Variants in TCF7L1 observed in about 807,000 individuals in gnomAD.
TCF7L1 encodes the protein transcription factor 7 like 1.
A neutral mutation model predicts 63.7 loss-of-function variants in TCF7L1; 18 were observed. The observed-to-expected ratio is 0.28, with a 90% CI of 0.20 to 0.42. TCF7L1 has a LOEUF of 0.42. Among genes scored for constraint, TCF7L1 ranks in the 10% least tolerant of loss-of-function variants. The pLI is 1.00. For missense variants in TCF7L1, 654 were observed against 779.3 expected (o/e 0.84, Z 1.91); for synonymous variants, 355 against 340.9 (o/e 1.04, Z -0.46).
At chr2:85,287,576 G>A (rs1469226867) in intron 4 of TCF7L1, among the ~76,000 whole-genome samples, 1 of 152,142 alleles carries the variant, frequency 6.6e-6, no homozygotes, top group African/African-American at 2.4e-5. Flanking sequence ...TGCCACACAT[G>A]GCATTATAGA....
chr2:85,202,879 G>C (rs1289323893), intron 3 of TCF7L1, among the ~76,000 whole-genome samples: 1 of 152,110 alleles, frequency 6.6e-6, no homozygotes, highest in Admixed American at 6.5e-5. Flanking sequence ...TTTCGCCCAG[G>C]CTGGAGTGCA....
At chr2:85,147,501 CAGGG>C (rs1390567224) in intron 3 of TCF7L1, among the ~76,000 whole-genome samples, 1 of 152,014 alleles carries the variant, frequency 6.6e-6, no homozygotes, top group Non-Finnish European at 1.5e-5. Flanking sequence ...GGAGGAAAGA[CAGGG>C]AGGGGACTCC....
intron 3 of TCF7L1, among the ~76,000 whole-genome samples, chr2:85,177,666 C>T (rs959969671): frequency 2.6e-5 from 4 of 152,088 alleles, no homozygotes; most frequent in Non-Finnish European, 5.9e-5. Flanking sequence ...GATTGCGCCA[C>T]TGCACTCCAG....
intron 7 of TCF7L1, 70 bp downstream of exon 7, chr2:85,304,408 CT>C: frequency 6.6e-7 from 1 of 1,518,856 alleles, no homozygotes; most frequent in Non-Finnish European, 9.0e-7. Context: ...CACGAAACAG[CT>C]TTTTCTTGCC....
chr2:85,245,999 G>A (rs750253437), intron 3 of TCF7L1, among the ~76,000 whole-genome samples: 1 of 152,112 alleles, frequency 6.6e-6, no homozygotes, highest in Non-Finnish European at 1.5e-5. Flanking sequence ...CAAGTGAATG[G>A]CAGTCAGGTG....
chr2:85,163,080 G>T (rs183189117), intron 3 of TCF7L1, among the ~76,000 whole-genome samples: 1 of 152,114 alleles, frequency 6.6e-6, no homozygotes, highest in African/African-American at 2.4e-5. Context: ...AAGGTCGTAG[G>T]GTCCAGTGGC....
chr2:85,203,088 G>A (rs1032225132), intron 3 of TCF7L1, among the ~76,000 whole-genome samples: 2 of 152,140 alleles, frequency 1.3e-5, no homozygotes, highest in African/African-American at 4.8e-5. Context: ...GCCCGCCTTG[G>A]CCTCTCAAAG....
chr2:85,308,304 G>A (rs1323074347), intron 11 of TCF7L1, among the ~76,000 whole-genome samples: 1 of 133,182 alleles, frequency 7.5e-6, no homozygotes, highest in East Asian at 2.2e-4. Context: ...CAAGTGTATC[G>A]CTGCTTGCAC....
chr2:85,205,315 T>G (rs1355798215), intron 3 of TCF7L1, among the ~76,000 whole-genome samples: 2 of 152,232 alleles, frequency 1.3e-5, no homozygotes, highest in African/African-American at 4.8e-5. Flanking sequence ...CTCTCAGTGC[T>G]GAGCAGGCCT....
chr2:85,134,581 A>AACT lies in TCF7L1; in HGVS notation c.441+135_441+137dup, dbSNP rs1677545688. ...CAAGCAGAACTTGTTTGCGGAGTTG[A>AACT]ACTACTCTCTGGCGGCCGAGCGCGA... is the stretch of plus-strand genomic sequence containing the variant. On this transcript the variant is annotated intron_variant, in intron 3 of 11. Coordinates refer to ENST00000282111, the MANE Select transcript of TCF7L1 (RefSeq NM_031283.3). This position sits in a 1 kb window ranked among gnomAD's most constrained non-coding sequence, Gnocchi z 5.0. 8.2e-6 allele frequency: 11 copies of AACT among 1,335,162 alleles called. No homozygotes were observed. In the South Asian group the frequency reaches 1.7e-4, roughly 20 times the overall value. 82.7% of individuals were successfully genotyped at this position (1,335,162 alleles called of 1,614,324 possible).
At chr2:85,262,568 A>G (rs1461189807) in intron 3 of TCF7L1, among the ~76,000 whole-genome samples, 1 of 152,186 alleles carries the variant, frequency 6.6e-6, no homozygotes, top group Admixed American at 6.5e-5. Flanking sequence ...TTCATCAAGG[A>G]CTTGTTAAAG....
At chr2:85,176,500 T>C (rs1678680102) in intron 3 of TCF7L1, among the ~76,000 whole-genome samples, 1 of 152,216 alleles carries the variant, frequency 6.6e-6, no homozygotes, top group Admixed American at 6.5e-5. Context: ...GGAGTCCCCA[T>C]GGCAAGTTCG....
At chr2:85,145,703 G>A (rs1379592177) in intron 3 of TCF7L1, among the ~76,000 whole-genome samples, 1 of 152,204 alleles carries the variant, frequency 6.6e-6, no homozygotes, top group Admixed American at 6.5e-5. Flanking sequence ...TTGTTGACCT[G>A]CCCAAGGGCA....
chr2:85,253,439 C>G (rs1257832343), intron 3 of TCF7L1, among the ~76,000 whole-genome samples: 4 of 152,308 alleles, frequency 2.6e-5, no homozygotes, highest in African/African-American at 9.6e-5. Flanking sequence ...CCTGAGTAGG[C>G]TGGTTCATGC....
At chr2:85,257,146 C>T (rs1005646729) in intron 3 of TCF7L1, among the ~76,000 whole-genome samples, 4 of 151,572 alleles carry the variant, frequency 2.6e-5, no homozygotes, top group African/African-American at 9.7e-5. Context: ...CCCAGGAGTT[C>T]GAGGCTACAG....
At chr2:85,157,916 C>A (rs1359148132) in intron 3 of TCF7L1, among the ~76,000 whole-genome samples, 1 of 152,154 alleles carries the variant, frequency 6.6e-6, no homozygotes, top group African/African-American at 2.4e-5. Flanking sequence ...AGGTGAGGGG[C>A]AGTTAGTGGT....
chr2:85,301,261 G>A (rs56297212), intron 4 of TCF7L1, among the ~76,000 whole-genome samples: 10,505 of 152,232 alleles, frequency 0.069, 471 homozygotes, highest in African/African-American at 0.12. Context: ...CAGCTGATAT[G>A]AATCCCAGCT....
intron 3 of TCF7L1, among the ~76,000 whole-genome samples, chr2:85,268,926 A>G (rs1009596014): frequency 2.6e-5 from 4 of 152,154 alleles, no homozygotes; most frequent in African/African-American, 9.7e-5. Context: ...TTAGGGAGCC[A>G]TTGCAAGACA....
chr2:85,215,926 C>G (rs183537487), intron 3 of TCF7L1, among the ~76,000 whole-genome samples: 1 of 152,048 alleles, frequency 6.6e-6, no homozygotes, highest in African/African-American at 2.4e-5. Context: ...CGAAGGAATC[C>G]GATACTCATA....
Sources: allele counts gnomAD v4.1 joint callset (sites outside exome capture counted in the v4.1 genomes callset), GRCh38; gene constraint gnomAD v4.1.1; non-coding constraint Gnocchi (gnomAD v3.1); transcripts MANE v1.5; gene names NCBI Gene and HGNC (gene_info 2026-07-23, HGNC 2026-07-21).